The following THEMIS variants were observed in gnomAD, a reference collection of about 807,000 sequenced individuals.
The protein encoded by THEMIS is protein THEMIS.
A neutral mutation model predicts 52.6 loss-of-function variants in THEMIS; 37 were observed. The ratio of observed to expected loss-of-function variants is 0.70; its 90% confidence interval spans 0.54 to 0.93. The LOEUF (loss-of-function observed/expected upper bound fraction) is 0.93. Among genes scored for constraint, THEMIS ranks in the 40% least tolerant of loss-of-function variants. The pLI, the probability that THEMIS is intolerant of heterozygous loss-of-function variation, is 0.00. For synonymous variants in THEMIS, 292 were observed against 272.7 expected, an observed-to-expected ratio of 1.07 and a Z score of -0.70; for missense variants, 808 against 763.1, an observed-to-expected ratio of 1.06 and a Z score of -0.69.
At chr6:127,904,709 T>C (rs894932209), upstream of THEMIS, among the ~76,000 whole-genome samples, 1 of 152,154 alleles carries the variant, frequency 6.6e-6, no homozygotes, top group African/African-American at 2.4e-5. Flanking sequence ...AATTCCGATA[T>C]TGGAATTATT....
rs1012076197 is a variant in THEMIS at position 127,747,260 on chromosome 6, T to C, written c.1759-27437A>G. Among the ~76,000 whole-genome samples, 10 of 140,896 alleles carry C rather than the reference T, an allele frequency of 7.1e-5. No individual in the cohort carries two copies. In the South Asian group the frequency reaches 1.1e-3, roughly 15 times the overall value. The allele number at this position is 140,896 out of a possible 152,430, so 92.4% of individuals were successfully genotyped here. On this transcript the variant is annotated intron_variant, in intron 4 of 5. Coordinates refer to ENST00000368248, the MANE Select transcript of THEMIS (RefSeq NM_001010923.3). ...TGCATATTATAGCTATCTATAATTA[T>C]AGCTATCTCTATATTACATATAGAG...
At chr6:127,698,881 G>C in the THEMIS span, among the ~76,000 whole-genome samples, 4 of 151,820 alleles carry the variant, frequency 2.6e-5, no homozygotes, top group African/African-American at 9.7e-5. Flanking sequence ...ATTTTGACTA[G>C]TTGCTATACT....
intron 2 of THEMIS, among the ~76,000 whole-genome samples, chr6:127,853,126 G>T (rs1779487991): frequency 6.6e-6 from 1 of 151,552 alleles, no homozygotes; most frequent in Non-Finnish European, 1.5e-5. Flanking sequence ...TAATAAATAA[G>T]ATTCAGATTC....
chr6:127,828,729 C>T (rs1182085441), intron 3 of THEMIS, among the ~76,000 whole-genome samples: 8 of 151,988 alleles, frequency 5.3e-5, no homozygotes, highest in Non-Finnish European at 1.2e-4. Flanking sequence ...TGACGTGGGC[C>T]GATCACGAGG....
the THEMIS span, among the ~76,000 whole-genome samples, chr6:127,696,935 G>T: frequency 6.6e-6 from 1 of 151,934 alleles, no homozygotes; most frequent in Admixed American, 6.6e-5. Context: ...TGAGGCACTG[G>T]ATGTGAAGGC....
At chr6:127,902,082 T>C (rs537912986), upstream of THEMIS, among the ~76,000 whole-genome samples, 10 of 152,032 alleles carry the variant, frequency 6.6e-5, no homozygotes, top group East Asian at 1.9e-3. Flanking sequence ...CCCAGCACTT[T>C]AGGAGGCTGA....
chr6:127,855,331 A>G, intron 1 of THEMIS, 143 bp from the exon 2 acceptor site: 5 of 647,560 alleles, frequency 7.7e-6, no homozygotes, highest in Non-Finnish European at 1.3e-5. Flanking sequence ...AGCTTGGCAA[A>G]ATGTACAGCA....
chr6:127,768,981 C>T (rs1345145368), intron 4 of THEMIS, among the ~76,000 whole-genome samples: 1 of 152,172 alleles, frequency 6.6e-6, no homozygotes, highest in African/African-American at 2.4e-5. Flanking sequence ...ATCTAAAATG[C>T]AAATGTTGCA....
chr6:127,899,068 T>C (rs776427641), intron 1 of THEMIS, among the ~76,000 whole-genome samples: 1 of 151,820 alleles, frequency 6.6e-6, no homozygotes, highest in Non-Finnish European at 1.5e-5. Flanking sequence ...ATAGGGTGAC[T>C]ATAGCTAAAA....
chr6:127,697,789 T>C, the THEMIS span, among the ~76,000 whole-genome samples: 5 of 152,180 alleles, frequency 3.3e-5, no homozygotes, highest in Non-Finnish European at 7.4e-5. Flanking sequence ...CATATCTGAA[T>C]AGCACTGCCA....
chr6:127,790,439 TGAC>T (rs1777118201), intron 4 of THEMIS, among the ~76,000 whole-genome samples: 1 of 152,236 alleles, frequency 6.6e-6, no homozygotes, highest in Non-Finnish European at 1.5e-5. Context: ...TTTTAAATAA[TGAC>T]ATTTACATAT....
At chr6:127,805,077 A>C (rs1777656171) in intron 4 of THEMIS, among the ~76,000 whole-genome samples, 1 of 152,090 alleles carries the variant, frequency 6.6e-6, no homozygotes, top group African/African-American at 2.4e-5. Context: ...GTGGCCTTTA[A>C]TGTACAGTTT....
intron 4 of THEMIS, among the ~76,000 whole-genome samples, chr6:127,804,203 C>T (rs1777627524): frequency 6.6e-6 from 1 of 152,072 alleles, no homozygotes. Flanking sequence ...GAGAAAAATA[C>T]AACCACTACA....
chr6:127,883,048 T>C (rs1780535258), intron 1 of THEMIS, among the ~76,000 whole-genome samples: 1 of 151,982 alleles, frequency 6.6e-6, no homozygotes, highest in Non-Finnish European at 1.5e-5. Context: ...TTTTTCAATG[T>C]CATATTTATC....
At chr6:127,829,429 C>T in intron 3 of THEMIS, 47 bp downstream of exon 3, 2 of 1,464,392 alleles carry the variant, frequency 1.4e-6, no homozygotes, top group Non-Finnish European at 1.8e-6. Flanking sequence ...TTTCCCAAAC[C>T]CCATAATGCT....
intron 2 of THEMIS, among the ~76,000 whole-genome samples, chr6:127,852,295 G>T (rs969740208): frequency 6.6e-6 from 1 of 151,410 alleles, no homozygotes. Context: ...ATAGTAGCTG[G>T]AAACATCAAC....
chr6:127,749,924 G>GACAGGT (rs1775577517), intron 4 of THEMIS, among the ~76,000 whole-genome samples: 1 of 150,272 alleles, frequency 6.7e-6, no homozygotes, highest in African/African-American at 2.4e-5. Context: ...GGTATTAATA[G>GACAGGT]ACAGGCACTT....
At chr6:127,797,695 G>A (rs1777376573) in intron 4 of THEMIS, among the ~76,000 whole-genome samples, 1 of 152,128 alleles carries the variant, frequency 6.6e-6, no homozygotes, top group Non-Finnish European at 1.5e-5. Flanking sequence ...TAATGCCAGG[G>A]ACTAAAAATT....
At chr6:127,866,146 T>C (rs1779965031) in intron 1 of THEMIS, among the ~76,000 whole-genome samples, 2 of 152,106 alleles carry the variant, frequency 1.3e-5, no homozygotes, top group South Asian at 2.1e-4. Context: ...TTCTTCCTTA[T>C]ATCTTTTTTA....
Sources: allele counts gnomAD v4.1 joint callset (sites outside exome capture counted in the v4.1 genomes callset), GRCh38; gene constraint gnomAD v4.1.1; transcripts MANE v1.5; gene names NCBI Gene and HGNC (gene_info 2026-07-23, HGNC 2026-07-21).